The following RGL1 variants were observed in gnomAD, a reference collection of about 807,000 sequenced individuals.
RGL1 encodes the protein ral guanine nucleotide dissociation stimulator-like 1.
Under a neutral mutation model 95.2 loss-of-function variants are expected in RGL1, and 24 were observed. The observed-to-expected ratio is 0.25, with a 90% CI of 0.18 to 0.35. The LOEUF (loss-of-function observed/expected upper bound fraction) is 0.35. RGL1 is among the 10% of genes least tolerant of loss of function. RGL1 has a pLI of 1.00. For synonymous variants in RGL1, 329 were observed against 344.9 expected (o/e 0.95, Z 0.51); for missense variants, 715 against 936.3 (o/e 0.76, Z 3.08).
At chr1:183,793,335 A>G (rs140244803) in intron 2 of RGL1, among the ~76,000 whole-genome samples, 4 of 152,168 alleles carry the variant, frequency 2.6e-5, no homozygotes, top group African/African-American at 7.2e-5. Flanking sequence ...TAAAACTACT[A>G]GAAATGCTTT....
chr1:183,705,741 G>T (rs1339137209), intron 1 of RGL1, among the ~76,000 whole-genome samples: 2 of 152,166 alleles, frequency 1.3e-5, no homozygotes, highest in African/African-American at 2.4e-5. Context: ...CATACTAGGG[G>T]TATGGCTTGG....
intron 1 of RGL1, among the ~76,000 whole-genome samples, chr1:183,682,845 G>T (rs1176460579): frequency 1.3e-5 from 2 of 152,078 alleles, no homozygotes; most frequent in Non-Finnish European, 2.9e-5. Context: ...TATAAATCTA[G>T]GTGCTCTTGT....
intron 2 of RGL1, among the ~76,000 whole-genome samples, chr1:183,747,734 G>T (rs1244350011): frequency 6.6e-6 from 1 of 152,174 alleles, no homozygotes; most frequent in Non-Finnish European, 1.5e-5. Context: ...GATTCGGTTT[G>T]CCAGTATTTT....
chr1:183,729,147 C>A (rs911258472), intron 1 of RGL1, among the ~76,000 whole-genome samples: 10 of 151,460 alleles, frequency 6.6e-5, no homozygotes, highest in African/African-American at 2.4e-4. Context: ...TAAGAAAATG[C>A]AAATGCAAAG....
At chr1:183,692,425 T>C (rs1654001841) in intron 1 of RGL1, among the ~76,000 whole-genome samples, 1 of 152,146 alleles carries the variant, frequency 6.6e-6, no homozygotes, top group South Asian at 2.1e-4. Context: ...AAAATGAGGC[T>C]GATTAAAGGG....
chr1:183,688,917 G>A (rs1382310205), intron 1 of RGL1, among the ~76,000 whole-genome samples: 2 of 152,092 alleles, frequency 1.3e-5, no homozygotes, highest in East Asian at 1.9e-4. Flanking sequence ...AGAGGTTTAC[G>A]AAGCCAGCAG....
At chr1:183,861,609 T>C (rs957500172) in intron 3 of RGL1, among the ~76,000 whole-genome samples, 2 of 152,272 alleles carry the variant, frequency 1.3e-5, no homozygotes, top group South Asian at 4.1e-4. Context: ...TTTTGCCTTG[T>C]GATAACAGAG....
At chr1:183,794,063 C>G (rs1299123407) in intron 2 of RGL1, among the ~76,000 whole-genome samples, 1 of 126,862 alleles carries the variant, frequency 7.9e-6, no homozygotes, top group African/African-American at 3.1e-5. Flanking sequence ...TGGACACACA[C>G]ACACACACAC....
Position 183,912,206 on chromosome 1 carries a change from C to T in RGL1, c.1687C>T (p.His563Tyr), listed in dbSNP as rs1668682043. Residue 563 changes from histidine to tyrosine, a missense_variant, in exon 15 of 18, where the codon CAC (histidine) becomes TAC (tyrosine). His to Tyr is a moderately conservative substitution (Grantham distance 83). Around this residue, in one of 3 missense-constraint regions of RGL1, gnomAD observed 330 missense variants for 429.6 expected, o/e 0.77. Coordinates refer to ENST00000360851, the MANE Select transcript of RGL1 (RefSeq NM_001297671.3). ...SVSVSSCESN[H>Y]SEAEEGSITP... is the part of the protein sequence containing the mutation. ...CAGCGTGTCATCCTGCGAGTCGAAC[C>T]ACTCAGAGGCTGAGGAGGGCTCCAT... 2.5e-6 allele frequency: 4 copies of T among 1,614,076 alleles called. No homozygotes were observed. The highest frequency in any genetic ancestry group is 3.4e-6 in the Non-Finnish European group (4 of 1,179,996).
At chr1:183,846,612 G>C (rs1374031567) in intron 2 of RGL1, among the ~76,000 whole-genome samples, 4 of 152,122 alleles carry the variant, frequency 2.6e-5, no homozygotes, top group Non-Finnish European at 5.9e-5. Context: ...AGGTGCAGTG[G>C]CTCACGCCTG....
At chr1:183,799,240 T>A (rs1483400956) in intron 2 of RGL1, among the ~76,000 whole-genome samples, 1 of 152,160 alleles carries the variant, frequency 6.6e-6, no homozygotes, top group East Asian at 1.9e-4. Context: ...ATCTGCAATA[T>A]TTTGACTATT....
chr1:183,923,881 A>G lies in RGL1; in HGVS notation c.2119+1545A>G, dbSNP rs6424918. On this transcript the variant is annotated intron_variant, in intron 17 of 17. Coordinates refer to ENST00000360851, the MANE Select transcript of RGL1 (RefSeq NM_001297671.3). ...ATATCAGTCTTGTTGTTGGATATCA[A>G]TGTTTGAAGTTAACTTAAGACTCAA... 2.3e-3 allele frequency among the ~76,000 whole-genome samples: 347 copies of G among 152,326 alleles called. 2 individuals carry two copies. Among genetic ancestry groups the G allele is most frequent in the African/African-American group, 7.9e-3 (330 of 41,582 alleles).
At chr1:183,645,806 A>G (rs1335939555) in intron 1 of RGL1, among the ~76,000 whole-genome samples, 4 of 152,232 alleles carry the variant, frequency 2.6e-5, no homozygotes, top group African/African-American at 9.6e-5. Context: ...TGGACAGTAT[A>G]TCTTTATGCT....
chr1:183,829,285 TA>T (rs994377151), intron 2 of RGL1, among the ~76,000 whole-genome samples: 45 of 151,636 alleles, frequency 3.0e-4, no homozygotes, highest in African/African-American at 1.0e-3. Context: ...ATGAAAAAAA[TA>T]AAAAAATTAG....
rs775712928 is a variant in RGL1, at chr1:183,916,368, C to G, written c.1750-79C>G. ...AACTGCAGTCTATCAGTCTTGATATCTACCTCTGCTTTGAAAATTGCAAAG... is the reference window on the plus strand; with the variant it reads ...AACTGCAGTCTATCAGTCTTGATATGTACCTCTGCTTTGAAAATTGCAAAG... On this transcript the variant is annotated intron_variant, in intron 15 of 17. Coordinates refer to ENST00000360851, the MANE Select transcript of RGL1 (RefSeq NM_001297671.3). 15 of 1,537,400 alleles carry G rather than the reference C, an allele frequency of 9.8e-6. No individual in the cohort carries two copies. In the Admixed American group the frequency reaches 1.4e-4, roughly 14 times the overall value.
intron 8 of RGL1, among the ~76,000 whole-genome samples, chr1:183,890,813 G>C (rs1208567461): frequency 6.6e-6 from 1 of 152,086 alleles, no homozygotes; most frequent in Non-Finnish European, 1.5e-5. Flanking sequence ...GGGACTGGGA[G>C]GACGGTAGGG....
intron 4 of RGL1, among the ~76,000 whole-genome samples, chr1:183,876,552 G>T (rs1666508242): frequency 1.3e-5 from 2 of 152,252 alleles, no homozygotes; most frequent in African/African-American, 4.8e-5. Context: ...CTTTTCTCCA[G>T]ACTGAATTTA....
At chr1:183,734,427 A>G (rs1016943096) in intron 1 of RGL1, among the ~76,000 whole-genome samples, 1 of 152,192 alleles carries the variant, frequency 6.6e-6, no homozygotes, top group South Asian at 2.1e-4. Context: ...GGATAAACTG[A>G]GGCTTGTAAC....
intron 1 of RGL1, among the ~76,000 whole-genome samples, chr1:183,738,162 G>A (rs1483529893): frequency 6.6e-6 from 1 of 152,226 alleles, no homozygotes; most frequent in African/African-American, 2.4e-5. Flanking sequence ...GCTCATGCCT[G>A]TAATTTCAGC....
Sources: gnomAD v4.1 joint callset for allele counts (sites outside exome capture counted in the v4.1 genomes callset) on GRCh38, gnomAD v4.1.1 for gene constraint, gnomAD v4.1.1 regional missense constraint, MANE v1.5 for transcripts, NCBI Gene and HGNC (gene_info 2026-07-23, HGNC 2026-07-21) for gene names.